Variants in NR1D2 observed in about 807,000 individuals in gnomAD.
The protein encoded by NR1D2 is nuclear receptor subfamily 1 group D member 2.
In NR1D2, 25 loss-of-function variants were observed where a neutral mutation model predicts 52.2. The observed-to-expected ratio is 0.48, with a 90% confidence interval of 0.35 to 0.67. NR1D2 has a LOEUF of 0.67. Ranked by LOEUF, NR1D2 falls within the 30% of genes least tolerant of loss-of-function variation. The probability of loss-of-function intolerance (pLI) is 0.01; values close to 1 mark genes in which losing one functional copy is unlikely to be tolerated. For synonymous variants in NR1D2, 259 were observed against 230.1 expected (o/e 1.13, Z -1.14); for missense variants, 681 against 707.2 (o/e 0.96, Z 0.42).
intron 7 of NR1D2, among the ~76,000 whole-genome samples, chr3:23,971,909 T>C (rs955865838): frequency 1.3e-5 from 2 of 152,224 alleles, no homozygotes; most frequent in South Asian, 2.1e-4. Flanking sequence ...TATGGTATTA[T>C]GATTATGTAA....
At chr3:23,958,201 G>A (rs1706136772) in intron 3 of NR1D2, among the ~76,000 whole-genome samples, 1 of 152,188 alleles carries the variant, frequency 6.6e-6, no homozygotes, top group Admixed American at 6.5e-5. Flanking sequence ...ACCTGTTGCT[G>A]GCACGTAGTC....
chr3:23,973,025 A>T (rs1034920370), intron 7 of NR1D2, among the ~76,000 whole-genome samples: 1 of 152,178 alleles, frequency 6.6e-6, no homozygotes, highest in African/African-American at 2.4e-5. Context: ...ACATTTTTAA[A>T]TTTTTTGTGT....
In NR1D2 at chr3:23,954,719, T is replaced by C; in HGVS notation, c.199T>C (p.Leu67=). 3.1e-6 allele frequency: 5 copies of C among 1,614,138 alleles called. No homozygotes were observed. Among genetic ancestry groups the C allele is most frequent in the Non-Finnish European group, 4.2e-6 (5 of 1,179,986 alleles). ...TGATCTCGCCAATATTGAAGGCATC[T>C]TGAAGAATGATCGAATAGATTGTTC... ...NGDLANIEGI[L]KNDRIDCSMK... The change falls in exon 2 of 8, where the codon TTG becomes CTG. Residue 67 remains leucine, a synonymous_variant. Transcript: ENST00000312521.
intron 7 of NR1D2, among the ~76,000 whole-genome samples, chr3:23,969,156 C>T (rs1034956752): frequency 2.0e-5 from 3 of 152,096 alleles, no homozygotes; most frequent in African/African-American, 4.8e-5. Flanking sequence ...CATGGTGGCA[C>T]GTGCCTGTAG....
At chr3:23,953,961 C>A (rs1365427047) in intron 1 of NR1D2, among the ~76,000 whole-genome samples, 1 of 152,156 alleles carries the variant, frequency 6.6e-6, no homozygotes, top group Non-Finnish European at 1.5e-5. Flanking sequence ...GTGAGGATCT[C>A]CATGTGCTCA....
In NR1D2 at chr3:23,945,477, A is replaced by C; in HGVS notation, c.-102A>C. On this transcript the variant is annotated 5_prime_UTR_variant, in exon 1 of 8. Coordinates refer to ENST00000312521, the MANE Select transcript of NR1D2 (RefSeq NM_005126.5). The stretch of plus-strand genomic sequence containing the variant: ...CTGCCCATGAGGGGGCCCCGCGACC[A>C]CCGCTGCTTCCAGCCCGGGGCGGCG... 1 of 691,862 alleles carries C rather than the reference A, an allele frequency of 1.4e-6. No individual in the cohort carries two copies. The highest frequency in any genetic ancestry group is 1.8e-6 in the Non-Finnish European group (1 of 542,692). The allele number at this position is 691,862 out of a possible 1,614,324, so 42.9% of individuals were successfully genotyped here.
chr3:23,956,492 C>G (rs987526918), intron 3 of NR1D2, among the ~76,000 whole-genome samples: 2 of 152,076 alleles, frequency 1.3e-5, no homozygotes, highest in African/African-American at 4.8e-5. Context: ...CTTGTGGGAA[C>G]TTAGTTTAAA....
intron 1 of NR1D2, among the ~76,000 whole-genome samples, chr3:23,952,972 CCT>C (rs1705983649): frequency 6.7e-6 from 1 of 150,278 alleles, no homozygotes; most frequent in Non-Finnish European, 1.5e-5. Flanking sequence ...TTTTTTCTTG[CCT>C]AAAGACGGCA....
chr3:23,946,118 A>G, intron 1 of NR1D2: 1 of 983,802 alleles, frequency 1.0e-6, no homozygotes, highest in Non-Finnish European at 1.2e-6. Context: ...CGTCGCCGCG[A>G]TTCCCTCCTC....
Position 23,961,951 on chromosome 3 carries a change from A to G in NR1D2, c.518-26A>G, listed in dbSNP as rs1161219363. ...AAAACAGGTCTTATTTAGAATATAG[A>G]CGTTAAATATCTTTTTCTTCAATAG... is the stretch of plus-strand genomic sequence containing the variant. On this transcript the variant is annotated intron_variant, in intron 4 of 7. Coordinates refer to ENST00000312521, the MANE Select transcript of NR1D2 (RefSeq NM_005126.5). 7 of 1,553,958 alleles carry G rather than the reference A, an allele frequency of 4.5e-6. No homozygotes were observed. In the South Asian group the frequency reaches 6.2e-5, roughly 14 times the overall value.
Position 23,977,317 on chromosome 3 carries a change from T to A in NR1D2, c.1638T>A (p.Asn546Lys). The part of the protein sequence containing the change: ...LRTLIMKNHP[N>K]EASIFTKLLL... The stretch of plus-strand genomic sequence containing the variant: ...CCTTAATAATGAAAAACCATCCAAA[T>A]GAGGCCTCTATTTTTACAAAACTGC... The change falls in exon 8 of 8, where the codon AAT becomes AAA. Residue 546 changes from asparagine to lysine, a missense_variant. This residue lies in a region of NR1D2 where 475 missense variants were observed against 454.5 expected (regional missense o/e 1.05). Transcript: ENST00000312521. 1 of 1,613,642 alleles carries A rather than the reference T, an allele frequency of 6.2e-7. No individual in the cohort carries two copies. Among genetic ancestry groups the A allele is most frequent in the South Asian group, 1.1e-5 (1 of 91,052 alleles).
intron 2 of NR1D2, among the ~76,000 whole-genome samples, chr3:23,955,584 T>G (rs1706060883): frequency 6.6e-6 from 1 of 151,992 alleles, no homozygotes; most frequent in African/African-American, 2.4e-5. Flanking sequence ...CCAATATTTT[T>G]GGAGGCTGAG....
In NR1D2 at chr3:23,947,420, G is replaced by GT. The variant is rs201407165; in HGVS notation, c.16+1832dup. ...CATCTCTTTGTCCTTGCCCAGCATTGTTTTTTCTGATCACTCATCATCCTT... is the reference window on the plus strand; with the variant it reads ...CATCTCTTTGTCCTTGCCCAGCATTGTTTTTTTCTGATCACTCATCATCCTT... On this transcript the variant is annotated intron_variant, in intron 1 of 7. Transcript: ENST00000312521. 3.5e-3 allele frequency among the ~76,000 whole-genome samples: 539 copies of GT among 152,264 alleles called. 14 individuals carry two copies. In the East Asian group the frequency reaches 0.051, roughly 14 times the overall value.
chr3:23,977,502 G>A lies in NR1D2; in HGVS notation c.*83G>A, dbSNP rs1706763924. 2 of 877,580 alleles carry A rather than the reference G, an allele frequency of 2.3e-6. No individual in the cohort carries two copies. Among genetic ancestry groups the A allele is most frequent in the Admixed American group, 2.9e-5 (1 of 34,960 alleles). 54.4% of individuals were successfully genotyped at this position (877,580 alleles called of 1,614,324 possible). ...ATATTTATATGTGTATACCATATGTGGAGATAGAAAAGACCTTTAAGACAA... is the reference window on the plus strand; with the variant it reads ...ATATTTATATGTGTATACCATATGTAGAGATAGAAAAGACCTTTAAGACAA... On this transcript the variant is annotated 3_prime_UTR_variant, in exon 8 of 8. Transcript: ENST00000312521.
intron 1 of NR1D2, among the ~76,000 whole-genome samples, chr3:23,952,833 TGTG>T (rs773073800): frequency 3.3e-5 from 5 of 152,132 alleles, no homozygotes; most frequent in Non-Finnish European, 7.4e-5. Context: ...CCTTGAGAGT[TGTG>T]GTTGTGCTTT....
Position 23,945,567 on chromosome 3 carries a change from C to T in NR1D2, c.-12C>T, listed in dbSNP as rs1705636465. On this transcript the variant is annotated 5_prime_UTR_variant, in exon 1 of 8. Transcript: ENST00000312521. ...GGAAGCGGGCGGCCCCGGCCGCCTC[C>T]GCGAGGGCACCATGGAGGTGAATGC... The T allele has an allele frequency of 1.8e-5, 21 of 1,165,218 alleles. No homozygotes were observed. The highest frequency in any genetic ancestry group is 2.2e-5 in the Non-Finnish European group (21 of 938,172). The allele number at this position is 1,165,218 out of a possible 1,614,324, so 72.2% of individuals were successfully genotyped here.
rs1226747043 is a variant in NR1D2, at chr3:23,962,358, A to G, written c.899A>G (p.His300Arg). The G allele has an allele frequency of 2.5e-6, 4 of 1,614,030 alleles. No individual in the cohort carries two copies. Among genetic ancestry groups the G allele is most frequent in the Admixed American group, 1.7e-5 (1 of 60,006 alleles). Residue 300 changes from histidine to arginine, a missense_variant, in exon 5 of 8, where the codon CAT becomes CGT. His to Arg is a conservative substitution (Grantham distance 29, BLOSUM62 0). Coordinates refer to ENST00000312521, the MANE Select transcript of NR1D2 (RefSeq NM_005126.5). ...NMEQYNLNHD[H>R]CGNGLSSHFP... is the part of the protein sequence containing the mutation. The stretch of plus-strand genomic sequence containing the variant: ...GAGCAATATAATTTAAATCATGATC[A>G]TTGCGGCAATGGGCTTAGCAGCCAT...
In NR1D2 at chr3:23,977,430, T is replaced by C. The variant is rs752600291; in HGVS notation, c.*11T>C. 1.9e-6 allele frequency: 3 copies of C among 1,545,496 alleles called. No homozygotes were observed. Among genetic ancestry groups the C allele is most frequent in the Non-Finnish European group, 1.8e-6 (2 of 1,140,940 alleles). ...AAAGTTCACCCTTAAGGCCTTTGTTTATTTAAACATGAACTGATGGTAACT... is the reference window on the plus strand; with the variant it reads ...AAAGTTCACCCTTAAGGCCTTTGTTCATTTAAACATGAACTGATGGTAACT... On this transcript the variant is annotated 3_prime_UTR_variant, in exon 8 of 8. Coordinates refer to ENST00000312521, the MANE Select transcript of NR1D2 (RefSeq NM_005126.5).
intron 7 of NR1D2, among the ~76,000 whole-genome samples, chr3:23,972,705 T>C (rs1706621896): frequency 1.3e-5 from 2 of 152,168 alleles, no homozygotes; most frequent in South Asian, 4.1e-4. Context: ...GATAGAAGTG[T>C]CATAAATTAA....
Sources: allele counts gnomAD v4.1 joint callset (sites outside exome capture counted in the v4.1 genomes callset), GRCh38; gene constraint gnomAD v4.1.1; regional missense constraint gnomAD v4.1.1; transcripts MANE v1.5; gene names NCBI Gene and HGNC (gene_info 2026-07-23, HGNC 2026-07-21).